UTRN: variants seen among roughly 807,000 people sequenced by gnomAD.
The protein encoded by UTRN is dystrophin-related protein 1.
In UTRN, 283 loss-of-function variants were observed where a neutral mutation model predicts 463.9. The observed-to-expected ratio is 0.61, with a 90% confidence interval of 0.55 to 0.67. The LOEUF (loss-of-function observed/expected upper bound fraction) is 0.67. Ranked by LOEUF, UTRN falls within the 30% of genes least tolerant of loss-of-function variation. The pLI, the probability that UTRN is intolerant of heterozygous loss-of-function variation, is 0.00. For synonymous variants in UTRN, 1,442 were observed against 1,431.5 expected, an observed-to-expected ratio of 1.01 and a Z score of -0.17; for missense variants, 3,922 against 4,084.3, an observed-to-expected ratio of 0.96 and a Z score of 1.08.
intron 2 of UTRN, among the ~76,000 whole-genome samples, chr6:144,390,326 G>A (rs894695857): frequency 1.3e-5 from 2 of 151,916 alleles, no homozygotes; most frequent in African/African-American, 2.4e-5. Flanking sequence ...TTTCAGGCTC[G>A]CTGATGTCTA....
chr6:144,419,741 C>T (rs569234043), intron 3 of UTRN, among the ~76,000 whole-genome samples: 2 of 152,244 alleles, frequency 1.3e-5, no homozygotes, highest in Admixed American at 6.5e-5. Flanking sequence ...AAGCCTTTGC[C>T]CACTCCCTGG....
At chr6:144,525,391 A>G (rs1474980419) in intron 41 of UTRN, among the ~76,000 whole-genome samples, 23 of 151,836 alleles carry the variant, frequency 1.5e-4, no homozygotes. Context: ...TAGAGTTTCT[A>G]TTTCTTCCTG....
chr6:144,726,766 G>T (rs752482840), intron 53 of UTRN, among the ~76,000 whole-genome samples: 1 of 152,110 alleles, frequency 6.6e-6, no homozygotes, highest in African/African-American at 2.4e-5. Context: ...GGGAATCTGT[G>T]ATATGGCTAA....
chr6:144,642,262 T>G (rs1777849366), intron 51 of UTRN, among the ~76,000 whole-genome samples: 1 of 152,224 alleles, frequency 6.6e-6, no homozygotes, highest in Non-Finnish European at 1.5e-5. Context: ...TCCACAGAGA[T>G]TATATTCGTT....
chr6:144,421,910 A>G lies in UTRN; in HGVS notation c.174A>G (p.Thr58=). Residue 58 remains threonine (T), a synonymous_variant, in exon 4 of 75, where the codon ACA becomes ACG. Transcript: ENST00000367545. ...AACCACCCATCAATGATATGTTCAC[A>G]GACCTCAAAGATGGAAGGAAGCTAT... ...SGKPPINDMF[T]DLKDGRKLLD... is the part of the protein sequence containing the mutation. The G allele has an allele frequency of 1.9e-6, 3 of 1,613,100 alleles. No homozygotes were observed. The highest frequency in any genetic ancestry group is 2.5e-6 in the Non-Finnish European group (3 of 1,179,530).
rs186108460 is a variant in UTRN, at chr6:144,440,112, G to A, written c.1393-240G>A. ...AGGGAGGGCCAGAACTTGAATAAAA[G>A]TGGTGATATCTCCATTTGCAGTCTG... On this transcript the variant is annotated intron_variant, in intron 12 of 74. Transcript: ENST00000367545. Among the ~76,000 whole-genome samples the A allele has an allele frequency of 3.1e-4, 47 of 152,286 alleles. 1 individual carries two copies. Among genetic ancestry groups the A allele is most frequent in the African/African-American group, 8.7e-4 (36 of 41,554 alleles).
rs1790078910 is a variant in UTRN at position 144,467,501 on chromosome 6, AGTCTAAAGCCTG to A, written c.3066+4638_3066+4649del. On this transcript the variant is annotated intron_variant, in intron 23 of 74. Transcript: ENST00000367545. ...CTCTCTAGTGAGAGTGGATTTATACAGTCTAAAGCCTGGTTATCCTAAGTGGCAGGACACCTG... is the reference window on the plus strand; with the variant it reads ...CTCTCTAGTGAGAGTGGATTTATACAGTTATCCTAAGTGGCAGGACACCTG... Among the ~76,000 whole-genome samples the A allele has an allele frequency of 3.9e-5, 6 of 152,208 alleles. No homozygotes were observed. The South Asian group carries it at 1.2e-3, about 32-fold the overall frequency.
intron 50 of UTRN, among the ~76,000 whole-genome samples, chr6:144,560,683 C>T (rs1799787868): frequency 6.6e-6 from 1 of 152,200 alleles, no homozygotes; most frequent in East Asian, 1.9e-4. Flanking sequence ...TAGCTATTCA[C>T]AATTATAAGT....
At chr6:144,833,999 C>T (rs1405965846) in intron 69 of UTRN, among the ~76,000 whole-genome samples, 4 of 152,160 alleles carry the variant, frequency 2.6e-5, no homozygotes, top group African/African-American at 7.2e-5. Flanking sequence ...CTCTTCTTCT[C>T]GTCCTTCTAA....
chr6:144,353,277 G>T (rs1778271786), intron 2 of UTRN, among the ~76,000 whole-genome samples: 1 of 152,042 alleles, frequency 6.6e-6, no homozygotes, highest in Non-Finnish European at 1.5e-5. Flanking sequence ...ACCATGCCTG[G>T]CTAATTTTTT....
At chr6:144,746,806 T>C (rs1003593497) in intron 54 of UTRN, among the ~76,000 whole-genome samples, 2 of 152,222 alleles carry the variant, frequency 1.3e-5, no homozygotes, top group African/African-American at 4.8e-5. Context: ...TTATTTATCT[T>C]GTACTGGTAT....
In UTRN at chr6:144,700,322, A is replaced by G. The variant is rs535173885; in HGVS notation, c.7809+79A>G. The stretch of plus-strand genomic sequence containing the variant: ...ATTTGAAATACAATTATAGATAAGT[A>G]TCAGAGTTGAACCAATTATCACAGG... On this transcript the variant is annotated intron_variant, in intron 53 of 74. Coordinates refer to ENST00000367545, the MANE Select transcript of UTRN (RefSeq NM_007124.3). 7.6e-6 allele frequency: 11 copies of G among 1,454,566 alleles called. 1 individual carries two copies. The African/African-American group carries it at 1.0e-4, about 13-fold the overall frequency. 90.1% of individuals were successfully genotyped at this position (1,454,566 alleles called of 1,614,324 possible).
intron 58 of UTRN, among the ~76,000 whole-genome samples, chr6:144,767,087 G>T (rs1355619958): frequency 2.0e-5 from 3 of 152,116 alleles, no homozygotes; most frequent in Non-Finnish European, 4.4e-5. Context: ...TTAAGGCAGA[G>T]AAATAAACCA....
chr6:144,546,847 T>C (rs1216129718), intron 46 of UTRN, among the ~76,000 whole-genome samples: 1 of 151,626 alleles, frequency 6.6e-6, no homozygotes, highest in Non-Finnish European at 1.5e-5. Flanking sequence ...AACAAACAAC[T>C]CTGTTTTCTA....
At chr6:144,454,119 C>A (rs1788590005) in intron 19 of UTRN, among the ~76,000 whole-genome samples, 1 of 152,008 alleles carries the variant, frequency 6.6e-6, no homozygotes, top group South Asian at 2.1e-4. Context: ...CCCTGATTAG[C>A]AGAACAGTTA....
At chr6:144,501,706 T>G (rs911163202) in intron 34 of UTRN, among the ~76,000 whole-genome samples, 4 of 152,212 alleles carry the variant, frequency 2.6e-5, no homozygotes. Context: ...CTATGGTGAA[T>G]ATATTAAACC....
chr6:144,755,708 A>G (rs1420008288), intron 57 of UTRN, among the ~76,000 whole-genome samples: 2 of 152,160 alleles, frequency 1.3e-5, no homozygotes, highest in Non-Finnish European at 2.9e-5. Flanking sequence ...ATTTAATTCA[A>G]TTTAAGTAAA....
At chr6:144,826,118 G>A (rs1780156031) in intron 66 of UTRN, among the ~76,000 whole-genome samples, 2 of 150,570 alleles carry the variant, frequency 1.3e-5, no homozygotes, top group South Asian at 2.1e-4. Context: ...TGCATGTTGT[G>A]CACATGTACC....
intron 58 of UTRN, among the ~76,000 whole-genome samples, chr6:144,766,787 G>GGTGTGTGT (rs35485550): frequency 0.041 from 6,261 of 150,962 alleles, 428 homozygotes; most frequent in African/African-American, 0.14. Flanking sequence ...TTGAGGTAGG[G>GGTGTGTGT]GTGTGTGTGT....
Sources: allele counts gnomAD v4.1 joint callset (sites outside exome capture counted in the v4.1 genomes callset), GRCh38; gene constraint gnomAD v4.1.1; transcripts MANE v1.5; gene names NCBI Gene and HGNC (gene_info 2026-07-23, HGNC 2026-07-21).